Variants in PRUNE2 observed in about 807,000 individuals in gnomAD.
The protein encoded by PRUNE2 is prune homolog 2 with BCH domain, also known as protein prune homolog 2.
Under a neutral mutation model 252.0 loss-of-function variants are expected in PRUNE2, and 164 were observed. The observed-to-expected ratio is 0.65, with a 90% CI of 0.57 to 0.74. PRUNE2 has a LOEUF of 0.74. Among genes scored for constraint, PRUNE2 ranks in the 30% least tolerant of loss-of-function variants. PRUNE2 has a pLI of 0.00. For missense variants in PRUNE2, 3,495 were observed against 3,711.0 expected (o/e 0.94, Z 1.51); for synonymous variants, 1,292 against 1,350.2 (o/e 0.96, Z 0.94).
chr9:76,878,444 A>C (rs2061584050), intron 1 of PRUNE2, among the ~76,000 whole-genome samples: 1 of 152,218 alleles, frequency 6.6e-6, no homozygotes, highest in African/African-American at 2.4e-5. Context: ...AGTTGCTTAG[A>C]GAGGACCACA....
intron 4 of PRUNE2, among the ~76,000 whole-genome samples, chr9:76,835,557 C>T (rs376936490): frequency 1.3e-5 from 2 of 152,106 alleles, no homozygotes; most frequent in African/African-American, 4.8e-5. Flanking sequence ...AAATAGTGAA[C>T]ACTCTGAGGT....
intron 15 of PRUNE2, among the ~76,000 whole-genome samples, chr9:76,632,528 T>C (rs947643720): frequency 1.3e-5 from 2 of 152,190 alleles, no homozygotes; most frequent in African/African-American, 4.8e-5. Context: ...TGGTAAATGA[T>C]AGCCCGTGGC....
At chr9:76,844,832 T>C (rs573283802) in intron 4 of PRUNE2, among the ~76,000 whole-genome samples, 17 of 152,076 alleles carry the variant, frequency 1.1e-4, no homozygotes, top group African/African-American at 3.6e-4. Context: ...CCAATGCCAC[T>C]TCAAGCCTAA....
intron 12 of PRUNE2, chr9:76,644,481 T>C: frequency 2.4e-6 from 1 of 409,582 alleles, no homozygotes; most frequent in Non-Finnish European, 4.2e-6. Flanking sequence ...TCAATAAATT[T>C]GCACAAGATG....
At chr9:76,872,747 A>C (rs2061289675) in intron 1 of PRUNE2, among the ~76,000 whole-genome samples, 1 of 152,106 alleles carries the variant, frequency 6.6e-6, no homozygotes, top group South Asian at 2.1e-4. Flanking sequence ...CCCAGGAAAC[A>C]AAAGTGTGTA....
intron 4 of PRUNE2, among the ~76,000 whole-genome samples, chr9:76,841,187 A>G (rs11145100): frequency 0.39 from 58,802 of 151,936 alleles, 14,467 homozygotes; most frequent in African/African-American, 0.71. Context: ...AGGGTGGGGT[A>G]TCGCCTCACC....
At chr9:76,871,065 T>C (rs1435054538) in intron 1 of PRUNE2, among the ~76,000 whole-genome samples, 1 of 152,174 alleles carries the variant, frequency 6.6e-6, no homozygotes, top group Non-Finnish European at 1.5e-5. Context: ...ATGTGACAGA[T>C]AAATTTGGTC....
chr9:76,785,894 T>C (rs936742177), intron 6 of PRUNE2: 4 of 152,194 alleles, frequency 2.6e-5, no homozygotes, highest in African/African-American at 9.7e-5. Flanking sequence ...AATGTGATAA[T>C]AATGTCATCT....
chr9:76,806,158 T>A (rs1244739484), intron 6 of PRUNE2, among the ~76,000 whole-genome samples: 1 of 152,058 alleles, frequency 6.6e-6, no homozygotes, highest in Non-Finnish European at 1.5e-5. Flanking sequence ...AAATATAAAT[T>A]CTCAGGCCCC....
In PRUNE2 at chr9:76,896,308, C is replaced by G. The variant is rs2062819129; in HGVS notation, c.36+9620G>C. The stretch of plus-strand genomic sequence containing the variant: ...TCCCAGCATTTCTGTGAATGATTTA[C>G]AAGTATCATCTCGCAAATAGCCTCA... On this transcript the variant is annotated intron_variant, in intron 1 of 18. Transcript: ENST00000376718. Among the ~76,000 whole-genome samples, 4 of 152,228 alleles carry G rather than the reference C, an allele frequency of 2.6e-5. No individual in the cohort carries two copies. In the South Asian group the frequency reaches 8.3e-4, roughly 31 times the overall value.
At chr9:76,696,754 C>G (rs908659983) in intron 9 of PRUNE2, among the ~76,000 whole-genome samples, 5 of 152,208 alleles carry the variant, frequency 3.3e-5, no homozygotes, top group African/African-American at 9.6e-5. Context: ...GTGAGGATCC[C>G]TGGTGGGAGA....
intron 6 of PRUNE2, chr9:76,737,987 G>C (rs113740451): frequency 1.3e-5 from 2 of 152,168 alleles, no homozygotes; most frequent in African/African-American, 4.8e-5. Flanking sequence ...TCTTTTAAGA[G>C]ACTTTAATAG....
rs962335582 is a variant in PRUNE2 at position 76,719,508 on chromosome 9, G to A, written c.757-5787C>T. Reference sequence around the variant, plus strand: ...AGAAATATATTCTTTTTTTTAGGCCGAGCATGGTGGCTCACATCTGTAATC... The same window carrying A: ...AGAAATATATTCTTTTTTTTAGGCCAAGCATGGTGGCTCACATCTGTAATC... On this transcript the variant is annotated intron_variant, in intron 6 of 18. Coordinates refer to ENST00000376718, the MANE Select transcript of PRUNE2 (RefSeq NM_015225.3). Among the ~76,000 whole-genome samples the A allele has an allele frequency of 5.9e-5, 9 of 151,386 alleles. No homozygotes were observed. In the East Asian group the frequency reaches 1.5e-3, roughly 26 times the overall value.
intron 15 of PRUNE2, among the ~76,000 whole-genome samples, chr9:76,634,076 C>A (rs964581641): frequency 6.6e-6 from 1 of 152,184 alleles, no homozygotes; most frequent in African/African-American, 2.4e-5. Context: ...CGTGCCACTG[C>A]ACTCCAGCCT....
intron 6 of PRUNE2, among the ~76,000 whole-genome samples, chr9:76,793,518 G>A (rs937128378): frequency 1.3e-5 from 2 of 152,156 alleles, no homozygotes; most frequent in African/African-American, 2.4e-5. Context: ...ATACTGTACT[G>A]AGAGACCCTG....
intron 12 of PRUNE2, among the ~76,000 whole-genome samples, chr9:76,638,819 A>C (rs1218278425): frequency 2.0e-5 from 3 of 152,218 alleles, no homozygotes; most frequent in Non-Finnish European, 4.4e-5. Context: ...CCAGTGACCA[A>C]ATACTAGTGA....
intron 18 of PRUNE2, among the ~76,000 whole-genome samples, chr9:76,617,552 C>T (rs1169196420): frequency 6.6e-6 from 1 of 152,030 alleles, no homozygotes; most frequent in Non-Finnish European, 1.5e-5. Flanking sequence ...TGCCCCTTAT[C>T]CTGATCTCAT....
intron 18 of PRUNE2, chr9:76,615,197 C>T (rs1828843446): frequency 4.1e-6 from 4 of 985,378 alleles, no homozygotes; most frequent in Non-Finnish European, 4.8e-6. Flanking sequence ...TCACTCGAAT[C>T]ACGTCTCTCT....
chr9:76,755,653 A>G (rs1375043766), intron 6 of PRUNE2, among the ~76,000 whole-genome samples: 2 of 152,144 alleles, frequency 1.3e-5, no homozygotes, highest in African/African-American at 2.4e-5. Flanking sequence ...GAGAATCTGG[A>G]TTTCTCACAA....
Sources: allele counts gnomAD v4.1 joint callset (sites outside exome capture counted in the v4.1 genomes callset), GRCh38; gene constraint gnomAD v4.1.1; transcripts MANE v1.5; gene names NCBI Gene and HGNC (gene_info 2026-07-23, HGNC 2026-07-21).